Variants in PDE4D observed in about 807,000 individuals in gnomAD.
PDE4D encodes phosphodiesterase 4D.
A neutral mutation model predicts 87.4 loss-of-function variants in PDE4D; 24 were observed. The ratio of observed to expected loss-of-function variants is 0.27; its 90% CI spans 0.20 to 0.39. The LOEUF is 0.39. Ranked by LOEUF, PDE4D falls within the 10% of genes least tolerant of loss-of-function variation. The pLI, the probability that PDE4D is intolerant of heterozygous loss-of-function variation, is 1.00. For missense variants in PDE4D, 714 were observed against 1,041.0 expected (o/e 0.69, Z 4.32); for synonymous variants, 384 against 383.2 (o/e 1.00, Z -0.02).
rs762506771 is a variant in PDE4D, at chr5:59,985,124, G to GTTTTTTTTTTTTTTTTTTTTTTTTTTTTT, written c.272+3363_272+3364insAAAAAAAAAAAAAAAAAAAAAAAAAAAAA. On this transcript the variant is annotated intron_variant, in intron 3 of 16. Transcript: ENST00000502484. ...AATATAAGCCCGAACTTCACCTTTC[G>GTTTTTTTTTTTTTTTTTTTTTTTTTTTTT]TTTTTTGTTTTTTGTTTTTTGTTTT... 3.6e-5 allele frequency among the ~76,000 whole-genome samples: 4 copies of GTTTTTTTTTTTTTTTTTTTTTTTTTTTTT among 111,268 alleles called. 1 individual carries two copies. Among genetic ancestry groups the GTTTTTTTTTTTTTTTTTTTTTTTTTTTTT allele is most frequent in the Non-Finnish European group, 3.7e-5 (2 of 53,538 alleles). The allele number at this position is 111,268 out of a possible 152,430, so 73.0% of individuals were successfully genotyped here. A position where few individuals can be genotyped will look rare whatever the true frequency, so the allele number is the denominator to read the frequency against.
At chr5:60,422,231 A>G (rs1396876522) in intron 1 of PDE4D, among the ~76,000 whole-genome samples, 1 of 152,226 alleles carries the variant, frequency 6.6e-6, no homozygotes, top group African/African-American at 2.4e-5. Flanking sequence ...CAACCCCAAG[A>G]CACATAATTT....
intron 2 of PDE4D, among the ~76,000 whole-genome samples, chr5:60,106,826 A>G (rs1389179035): frequency 2.0e-5 from 3 of 152,054 alleles, no homozygotes; most frequent in African/African-American, 4.8e-5. Context: ...CAAAGACACA[A>G]CATACCAGAA....
intron 3 of PDE4D, among the ~76,000 whole-genome samples, chr5:59,904,408 A>G (rs538829954): frequency 2.0e-5 from 3 of 152,276 alleles, no homozygotes; most frequent in African/African-American, 7.2e-5. Context: ...TGCTGGAATA[A>G]AGCCATTTTA....
At chr5:59,869,354 C>G (rs1206964436) in intron 1 of PDE4D, among the ~76,000 whole-genome samples, 2 of 152,090 alleles carry the variant, frequency 1.3e-5, no homozygotes, top group Non-Finnish European at 2.9e-5. Context: ...AAACAGTATG[C>G]ATAAAAACTC....
intron 1 of PDE4D, among the ~76,000 whole-genome samples, chr5:59,410,167 A>C (rs939004818): frequency 1.3e-5 from 2 of 152,006 alleles, no homozygotes; most frequent in African/African-American, 2.4e-5. Flanking sequence ...ACTAGATCTT[A>C]TTCTTCCTCC....
intron 2 of PDE4D, among the ~76,000 whole-genome samples, chr5:60,004,027 G>A (rs1431172222): frequency 1.3e-5 from 2 of 152,086 alleles, no homozygotes; most frequent in South Asian, 2.1e-4. Context: ...ATACAAAAAT[G>A]TGCTTAAAAG....
At chr5:59,083,690 C>G (rs1027846639) in intron 5 of PDE4D, among the ~76,000 whole-genome samples, 2 of 151,922 alleles carry the variant, frequency 1.3e-5, no homozygotes, top group Non-Finnish European at 2.9e-5. Context: ...ACAAATTTTT[C>G]CCACACTTTT....
rs555920749 is a variant in PDE4D, at chr5:59,333,706, A to T, written c.456-117738T>A. On this transcript the variant is annotated intron_variant, in intron 1 of 14. Coordinates refer to ENST00000340635, the MANE Select transcript of PDE4D (RefSeq NM_001104631.2). Reference sequence around the variant, plus strand: ...ATTCATTTTTTATGGAGAGATTTTGATTCCATCCTAAAGAGTTCTAATTAA... The same window carrying T: ...ATTCATTTTTTATGGAGAGATTTTGTTTCCATCCTAAAGAGTTCTAATTAA... Among the ~76,000 whole-genome samples the T allele has an allele frequency of 5.3e-5, 8 of 152,268 alleles. No individual in the cohort carries two copies. In the South Asian group the frequency reaches 1.7e-3, roughly 32 times the overall value.
At chr5:59,048,604 C>T (rs899107059) in intron 5 of PDE4D, among the ~76,000 whole-genome samples, 1 of 152,156 alleles carries the variant, frequency 6.6e-6, no homozygotes, top group Non-Finnish European at 1.5e-5. Flanking sequence ...TGTCAAGGAT[C>T]CCATCCAATA....
At chr5:59,625,321 T>C (rs1830774995) in intron 1 of PDE4D, among the ~76,000 whole-genome samples, 1 of 152,130 alleles carries the variant, frequency 6.6e-6, no homozygotes, top group African/African-American at 2.4e-5. Flanking sequence ...AAGAGGGATT[T>C]CTATCCTATA....
intron 1 of PDE4D, among the ~76,000 whole-genome samples, chr5:59,693,014 T>C (rs565036304): frequency 6.6e-6 from 1 of 152,154 alleles, no homozygotes; most frequent in Admixed American, 6.6e-5. Flanking sequence ...CAAGAAAAGT[T>C]TTCAGATTTG....
intron 3 of PDE4D, among the ~76,000 whole-genome samples, chr5:59,926,022 T>C (rs1336013007): frequency 6.6e-6 from 1 of 152,152 alleles, no homozygotes; most frequent in Non-Finnish European, 1.5e-5. Flanking sequence ...ATGGAACTAA[T>C]AGATATTTAC....
intron 1 of PDE4D, among the ~76,000 whole-genome samples, chr5:59,574,023 TATATAA>T (rs1418277945): frequency 1.6e-5 from 2 of 121,996 alleles, no homozygotes; most frequent in Middle Eastern, 3.8e-3. Flanking sequence ...TATATATATA[TATATAA>T]AAATATATAT....
intron 1 of PDE4D, among the ~76,000 whole-genome samples, chr5:60,325,279 A>T (rs1330009365): frequency 1.3e-5 from 2 of 152,152 alleles, no homozygotes; most frequent in East Asian, 3.9e-4. Flanking sequence ...TATAGGGGGA[A>T]AATAACCTCA....
At position 59,850,306 on chromosome 5, in the gene PDE4D, C is replaced by T. The variant is rs58790921; in HGVS notation, c.455+42862G>A. Among the ~76,000 whole-genome samples the T allele has an allele frequency of 6.4e-3, 980 of 152,098 alleles. 10 individuals carry two copies. The highest frequency in any genetic ancestry group is 0.022 in the African/African-American group (933 of 41,542). ...GCATAGAGAATAACAAAGAGGGTTA[C>T]GCCAGAACCTCCAAACTTTTCTTGA... On this transcript the variant is annotated intron_variant, in intron 1 of 14. Transcript: ENST00000340635.
intron 6 of PDE4D, among the ~76,000 whole-genome samples, chr5:59,012,042 C>A (rs1412845779): frequency 3.9e-5 from 6 of 152,140 alleles, no homozygotes; most frequent in Non-Finnish European, 5.9e-5. Flanking sequence ...GAATTTCATA[C>A]CCAGCCAAAC....
chr5:59,393,260 T>C (rs548432383), intron 1 of PDE4D, among the ~76,000 whole-genome samples: 4 of 152,128 alleles, frequency 2.6e-5, no homozygotes, highest in Non-Finnish European at 5.9e-5. Flanking sequence ...TTGAGATCAA[T>C]GCCAGAGATG....
intron 1 of PDE4D, among the ~76,000 whole-genome samples, chr5:59,327,625 C>A (rs978538672): frequency 6.6e-6 from 1 of 152,180 alleles, no homozygotes; most frequent in Admixed American, 6.5e-5. Flanking sequence ...TTGCCTACTA[C>A]TTTTGTGAAG....
chr5:60,460,457 CA>C, intron 1 of PDE4D: 1 of 1,522,178 alleles, frequency 6.6e-7, no homozygotes, highest in Non-Finnish European at 9.1e-7. Context: ...GTTGTTACCC[CA>C]AAATTTGGGA....
Sources: gnomAD v4.1 joint callset for allele counts (sites outside exome capture counted in the v4.1 genomes callset) on GRCh38, gnomAD v4.1.1 for gene constraint, MANE v1.5 for transcripts, NCBI Gene and HGNC (gene_info 2026-07-23, HGNC 2026-07-21) for gene names.